Variants in SCFD2 observed in about 807,000 individuals in gnomAD.
The protein encoded by SCFD2 is sec1 family domain-containing protein 2.
SCFD2 carries 54 observed loss-of-function variants against 58.9 expected under a neutral mutation model. The ratio of observed to expected loss-of-function variants is 0.92; its 90% CI spans 0.74 to 1.15. The LOEUF (loss-of-function observed/expected upper bound fraction) is 1.15. Among genes scored for constraint, SCFD2 ranks in the 50% most tolerant of loss-of-function variants. The pLI, the probability that SCFD2 is intolerant of heterozygous loss-of-function variation, is 0.00. For missense variants in SCFD2, 805 were observed against 836.6 expected, an observed-to-expected ratio of 0.96 and a Z score of 0.47; for synonymous variants, 321 against 335.9, an observed-to-expected ratio of 0.96 and a Z score of 0.49.
At position 53,219,032 on chromosome 4, in the gene SCFD2, G is replaced by C. The variant is rs561484126; in HGVS notation, c.1311+54794C>G. Among the ~76,000 whole-genome samples the C allele has an allele frequency of 1.6e-4, 24 of 152,290 alleles. 1 individual carries two copies. In the South Asian group the frequency reaches 4.1e-3, roughly 26 times the overall value. On this transcript the variant is annotated intron_variant, in intron 4 of 8. Transcript: ENST00000401642. ...TCAGAGGGGTACCCGGCCGTGTGAGGTGTCAGTCTGCCCCTACTAGAGGGT... is the reference window on the plus strand; with the variant it reads ...TCAGAGGGGTACCCGGCCGTGTGAGCTGTCAGTCTGCCCCTACTAGAGGGT...
At chr4:53,298,988 A>C (rs1200320524) in intron 3 of SCFD2, among the ~76,000 whole-genome samples, 1 of 152,176 alleles carries the variant, frequency 6.6e-6, no homozygotes, top group Non-Finnish European at 1.5e-5. Flanking sequence ...AACCACAAAG[A>C]TGGGGAAAAA....
At chr4:53,043,299 G>A (rs1722944766) in intron 5 of SCFD2, among the ~76,000 whole-genome samples, 1 of 152,110 alleles carries the variant, frequency 6.6e-6, no homozygotes, top group African/African-American at 2.4e-5. Flanking sequence ...GCCAAAAGGA[G>A]GAAGAAAACA....
At chr4:53,320,392 G>A (rs568093666) in intron 2 of SCFD2, among the ~76,000 whole-genome samples, 8 of 152,174 alleles carry the variant, frequency 5.3e-5, no homozygotes, top group Non-Finnish European at 8.8e-5. Flanking sequence ...CAAGGCAGGC[G>A]GATCACCTGA....
rs1476108428 is a variant in SCFD2, at chr4:53,047,604, A to G, written c.1561+97729T>C. ...AATGCACACACATGTACACACATAC[A>G]CTTCTATCAGGTGACTGACATGCAT... On this transcript the variant is annotated intron_variant, in intron 5 of 8. Coordinates refer to ENST00000401642, the MANE Select transcript of SCFD2 (RefSeq NM_152540.4). Among the ~76,000 whole-genome samples, 3 of 152,144 alleles carry G rather than the reference A, an allele frequency of 2.0e-5. No homozygotes were observed. In the East Asian group the frequency reaches 5.8e-4, roughly 29 times the overall value.
chr4:53,153,142 G>T (rs1726562138), intron 4 of SCFD2, among the ~76,000 whole-genome samples: 3 of 152,216 alleles, frequency 2.0e-5, no homozygotes, highest in Admixed American at 1.3e-4. Flanking sequence ...AGCTCATCTT[G>T]AGAGTGTCCC....
intron 4 of SCFD2, among the ~76,000 whole-genome samples, chr4:53,215,395 A>T (rs528618042): frequency 3.8e-4 from 58 of 152,062 alleles, no homozygotes; most frequent in South Asian, 8.3e-4. Context: ...ATTCCTAGGT[A>T]TTTTATTCTC....
intron 4 of SCFD2, among the ~76,000 whole-genome samples, chr4:53,216,376 A>C (rs1431881567): frequency 6.6e-6 from 1 of 152,058 alleles, no homozygotes; most frequent in African/African-American, 2.4e-5. Flanking sequence ...TAGTCTTGGG[A>C]GGGTGTATGT....
At chr4:53,254,421 T>C (rs1020055718) in intron 4 of SCFD2, among the ~76,000 whole-genome samples, 6 of 152,234 alleles carry the variant, frequency 3.9e-5, no homozygotes, top group African/African-American at 1.4e-4. Context: ...GCCATGATTT[T>C]AAGTTGCCTG....
chr4:53,341,204 C>T (rs1560456539), intron 2 of SCFD2, among the ~76,000 whole-genome samples: 2 of 152,046 alleles, frequency 1.3e-5, no homozygotes, highest in African/African-American at 4.8e-5. Context: ...AGCTAAAAAC[C>T]TTGAAAAAAG....
At chr4:53,129,643 C>G (rs1725731777) in intron 5 of SCFD2, among the ~76,000 whole-genome samples, 3 of 152,098 alleles carry the variant, frequency 2.0e-5, no homozygotes. Context: ...CTTAATGAAC[C>G]TCATTTTGAA....
intron 5 of SCFD2, among the ~76,000 whole-genome samples, chr4:53,120,167 T>A (rs1725439274): frequency 6.6e-6 from 1 of 152,214 alleles, no homozygotes; most frequent in African/African-American, 2.4e-5. Flanking sequence ...CACACAGTTT[T>A]ATTTGTCAAT....
At chr4:53,184,537 G>A (rs1727683444) in intron 4 of SCFD2, among the ~76,000 whole-genome samples, 1 of 152,090 alleles carries the variant, frequency 6.6e-6, no homozygotes. Flanking sequence ...ATTTTTACAT[G>A]AGAAAGAATA....
At chr4:52,903,553 T>C (rs1719274138) in intron 7 of SCFD2, among the ~76,000 whole-genome samples, 1 of 152,182 alleles carries the variant, frequency 6.6e-6, no homozygotes, top group Non-Finnish European at 1.5e-5. Flanking sequence ...CTCCCAACTT[T>C]TGGTGAGCCT....
chr4:52,942,210 G>A (rs1179679957), intron 5 of SCFD2, among the ~76,000 whole-genome samples: 3 of 152,164 alleles, frequency 2.0e-5, no homozygotes, highest in African/African-American at 7.2e-5. Context: ...CAAAGAAAAA[G>A]GAAAACAGCA....
chr4:53,057,541 C>T (rs1425815275), intron 5 of SCFD2, among the ~76,000 whole-genome samples: 42 of 152,058 alleles, frequency 2.8e-4, no homozygotes, highest in South Asian at 2.1e-4. Context: ...ACACACACCA[C>T]GGCCTGTTGA....
chr4:53,274,624 A>G (rs940483262), intron 3 of SCFD2, among the ~76,000 whole-genome samples: 3 of 152,228 alleles, frequency 2.0e-5, no homozygotes, highest in Non-Finnish European at 2.9e-5. Flanking sequence ...ACCTACATTT[A>G]GAACAAGAGA....
At chr4:53,331,236 C>A (rs1160632663) in intron 2 of SCFD2, among the ~76,000 whole-genome samples, 2 of 151,264 alleles carry the variant, frequency 1.3e-5, no homozygotes, top group South Asian at 4.3e-4. Context: ...CAGCTCTGCA[C>A]CAAGCGGACC....
chr4:53,324,258 A>T (rs1413176024), intron 2 of SCFD2, among the ~76,000 whole-genome samples: 1 of 151,946 alleles, frequency 6.6e-6, no homozygotes, highest in Admixed American at 6.6e-5. Flanking sequence ...CTCTACAAAA[A>T]AATTTAAAAA....
intron 5 of SCFD2, among the ~76,000 whole-genome samples, chr4:53,057,875 C>G (rs1377750880): frequency 3.3e-5 from 5 of 152,016 alleles, no homozygotes; most frequent in Admixed American, 1.3e-4. Flanking sequence ...GTTACCAACA[C>G]CAGCATCTGG....
Sources: gnomAD v4.1 joint callset for allele counts (sites outside exome capture counted in the v4.1 genomes callset) on GRCh38, gnomAD v4.1.1 for gene constraint, MANE v1.5 for transcripts, NCBI Gene and HGNC (gene_info 2026-07-23, HGNC 2026-07-21) for gene names.